SYNE1: variants seen among roughly 807,000 people sequenced by gnomAD.
SYNE1 encodes nesprin-1.
In SYNE1, 616 loss-of-function variants were observed where a neutral mutation model predicts 1,111.0. That is an observed-to-expected ratio of 0.55 (90% CI 0.52 to 0.59). SYNE1 has a LOEUF of 0.59. Ranked by LOEUF, SYNE1 falls within the 20% of genes least tolerant of loss-of-function variation. The pLI is 0.00. For missense variants in SYNE1, 10,006 were observed against 10,417.0 expected, an observed-to-expected ratio of 0.96 and a Z score of 1.72; for synonymous variants, 3,855 against 3,825.8, an observed-to-expected ratio of 1.01 and a Z score of -0.28.
intron 2 of SYNE1, among the ~76,000 whole-genome samples, chr6:152,629,291 A>G (rs922149550): frequency 4.0e-5 from 6 of 151,658 alleles, no homozygotes; most frequent in African/African-American, 1.5e-4. Flanking sequence ...AGCAAGCTCC[A>G]CTTCCCGGGT....
intron 86 of SYNE1, among the ~76,000 whole-genome samples, chr6:152,317,204 A>T (rs937513765): frequency 2.7e-5 from 4 of 150,602 alleles, no homozygotes; most frequent in African/African-American, 9.8e-5. Context: ...TGATTGAATT[A>T]TTCCTCTTTT....
intron 12 of SYNE1, among the ~76,000 whole-genome samples, chr6:152,488,073 T>C (rs200566424): frequency 1.5e-5 from 1 of 65,572 alleles, no homozygotes; most frequent in East Asian, 7.3e-4. Flanking sequence ...AGACTCCGTC[T>C]CAAAAAAAAA....
rs1288297755 is a variant in SYNE1, at chr6:152,407,039, G to T, written c.6698C>A (p.Ala2233Asp). 1 of 1,613,100 alleles carries T rather than the reference G, an allele frequency of 6.2e-7. No individual in the cohort carries two copies. Among genetic ancestry groups the T allele is most frequent in the Non-Finnish European group, 8.5e-7 (1 of 1,179,940 alleles). The change falls in exon 45 of 146, where the codon GCT (alanine) becomes GAT (aspartate). Residue 2233 changes from alanine (A) to aspartate (D), a missense_variant. Physicochemically the swap from Ala to Asp is moderately radical, Grantham distance 126. Around this residue, in one of 7 missense-constraint regions of SYNE1, gnomAD observed 4,955 missense variants for 5,017.2 expected, o/e 0.99. Coordinates refer to ENST00000367255, the MANE Select transcript of SYNE1 (RefSeq NM_182961.4). ...NISNLDNHLRAEELLKEFESE... is the reference protein window; with the variant it reads ...NISNLDNHLRDEELLKEFESE... Reference sequence around the variant, plus strand: ...CTCAAATTCTTTAAGCAGTTCTTCAGCTCTGAGGTGGTTATCCAGGTTGCT... The same window carrying T: ...CTCAAATTCTTTAAGCAGTTCTTCATCTCTGAGGTGGTTATCCAGGTTGCT...
At chr6:152,444,894 CCT>C (rs1298430448) in intron 29 of SYNE1, among the ~76,000 whole-genome samples, 2 of 152,242 alleles carry the variant, frequency 1.3e-5, no homozygotes, top group South Asian at 4.1e-4. Context: ...TCAAAACCCC[CCT>C]GTTGAAGATC....
intron 4 of SYNE1, among the ~76,000 whole-genome samples, chr6:152,537,544 C>T (rs1328201101): frequency 6.6e-6 from 1 of 151,940 alleles, no homozygotes; most frequent in Non-Finnish European, 1.5e-5. Context: ...TTATTGCTAT[C>T]ATAATATTTA....
At chr6:152,372,508 A>G (rs2097206706) in intron 59 of SYNE1, among the ~76,000 whole-genome samples, 2 of 152,222 alleles carry the variant, frequency 1.3e-5, no homozygotes, top group South Asian at 4.1e-4. Context: ...GACGGAAAAA[A>G]AATAATTATA....
chr6:152,484,735 A>G, intron 13 of SYNE1, 100 bp downstream of exon 13: 4 of 1,282,642 alleles, frequency 3.1e-6, no homozygotes, highest in Non-Finnish European at 3.3e-6. Flanking sequence ...AGACAGAGGC[A>G]GTAGAACCTG....
chr6:152,612,778 C>T (rs978928016), intron 3 of SYNE1, among the ~76,000 whole-genome samples: 1 of 152,178 alleles, frequency 6.6e-6, no homozygotes, highest in Non-Finnish European at 1.5e-5. Context: ...ATCCAGCATC[C>T]CATCAAAAAG....
intron 91 of SYNE1, among the ~76,000 whole-genome samples, chr6:152,304,915 C>G (rs2095325741): frequency 6.6e-6 from 1 of 152,200 alleles, no homozygotes; most frequent in Admixed American, 6.5e-5. Flanking sequence ...CACGTGACTT[C>G]CACTGAGAAA....
At position 152,430,212 on chromosome 6, in the gene SYNE1, T is replaced by C; in HGVS notation, c.4690-2A>G. On this transcript the variant is annotated splice_acceptor_variant, in intron 35 of 145. Coordinates refer to ENST00000367255, the MANE Select transcript of SYNE1 (RefSeq NM_182961.4). LOFTEE classifies it high-confidence loss of function. ...AAATTCAGACACAGATTGCTGGATC[T>C]AAAACATTGGTGCAATATAAAAATA... The C allele has an allele frequency of 6.3e-7, 1 of 1,594,198 alleles. No individual in the cohort carries two copies. The highest frequency in any genetic ancestry group is 8.6e-7 in the Non-Finnish European group (1 of 1,165,954).
At chr6:152,608,919 G>A (rs1335051476) in intron 3 of SYNE1, among the ~76,000 whole-genome samples, 5 of 148,354 alleles carry the variant, frequency 3.4e-5, no homozygotes, top group South Asian at 2.2e-4. Flanking sequence ...GTGACAGAGC[G>A]AGACTCTGTG....
chr6:152,323,302 G>A (rs555782437), intron 82 of SYNE1, among the ~76,000 whole-genome samples, 176 bp downstream of exon 82: 3 of 152,314 alleles, frequency 2.0e-5, no homozygotes, highest in Non-Finnish European at 4.4e-5. Context: ...GCCGGGCGTG[G>A]TGGCGGGCGC....
chr6:152,546,632 T>C (rs550637100), intron 3 of SYNE1: 17 of 152,182 alleles, frequency 1.1e-4, no homozygotes, highest in African/African-American at 4.1e-4. Context: ...GAATAAGAAA[T>C]AAAAGTACAA....
At chr6:152,494,962 TCA>T (rs1166741538) in intron 11 of SYNE1, among the ~76,000 whole-genome samples, 5 of 152,142 alleles carry the variant, frequency 3.3e-5, no homozygotes, top group African/African-American at 9.7e-5. Context: ...TTTCCACCTA[TCA>T]ATCCCTCCCT....
At chr6:152,573,065 A>T (rs1016642286) in intron 3 of SYNE1, among the ~76,000 whole-genome samples, 1 of 152,156 alleles carries the variant, frequency 6.6e-6, no homozygotes, top group African/African-American at 2.4e-5. Flanking sequence ...GCAATGAAAA[A>T]TTAAAGGTAA....
At chr6:152,226,819 T>G (rs1464868716) in intron 115 of SYNE1, among the ~76,000 whole-genome samples, 3 of 152,174 alleles carry the variant, frequency 2.0e-5, no homozygotes. Flanking sequence ...AGGAGTCGGC[T>G]GAACCTCAGA....
chr6:152,416,619 C>A lies in SYNE1; in HGVS notation c.5818G>T (p.Gly1940Trp). Residue 1940 changes from glycine (G) to tryptophan (W), a missense_variant, in exon 41 of 146, where the codon GGG becomes TGG. Coordinates refer to ENST00000367255, the MANE Select transcript of SYNE1 (RefSeq NM_182961.4). ...LSKAQYHLKI[G>W]SSEQRTSCRA... ...CAGGAAGTCCTTTGCTCAGAGCTCC[C>A]GATTTTCAGATGGTATTGGGCTTTG... The A allele has an allele frequency of 6.2e-7, 1 of 1,614,098 alleles. No individual in the cohort carries two copies.
chr6:152,270,160 G>A (rs1197431545), intron 98 of SYNE1, among the ~76,000 whole-genome samples: 1 of 152,148 alleles, frequency 6.6e-6, no homozygotes, highest in African/African-American at 2.4e-5. Flanking sequence ...ATCTTTGAGA[G>A]TCTGCTGTTT....
intron 8 of SYNE1, among the ~76,000 whole-genome samples, chr6:152,509,000 T>C (rs2099071718): frequency 6.6e-6 from 1 of 152,294 alleles, no homozygotes; most frequent in African/African-American, 2.4e-5. Flanking sequence ...ATTTTATAAG[T>C]ACTTGTTTAC....
Sources: allele counts gnomAD v4.1 joint callset (sites outside exome capture counted in the v4.1 genomes callset), GRCh38; gene constraint gnomAD v4.1.1; regional missense constraint gnomAD v4.1.1; transcripts MANE v1.5; gene names NCBI Gene and HGNC (gene_info 2026-07-23, HGNC 2026-07-21).